MAP3K13: variants seen among roughly 807,000 people sequenced by gnomAD.
MAP3K13 encodes the protein leucine zipper-bearing kinase.
A neutral mutation model predicts 104.0 loss-of-function variants in MAP3K13; 52 were observed. The observed-to-expected ratio is 0.50, with a 90% CI of 0.40 to 0.63. The LOEUF is 0.63. Among genes scored for constraint, MAP3K13 ranks in the 20% least tolerant of loss-of-function variants. The pLI is 0.00. For missense variants in MAP3K13, 914 were observed against 1,218.5 expected (o/e 0.75, Z 3.72); for synonymous variants, 394 against 442.2 (o/e 0.89, Z 1.37).
At chr3:185,285,626 C>A in exon 2 of MAP3K13, 1 of 1,535,232 alleles carries the variant, frequency 6.5e-7, no homozygotes, top group Non-Finnish European at 8.7e-7. Context: ...GCATTCAAAT[C>A]CTAGCACTCT....
intron 1 of MAP3K13, among the ~76,000 whole-genome samples, chr3:185,365,883 TCCCCTCCCCTC>T (rs1560067536): frequency 2.4e-4 from 3 of 12,448 alleles, no homozygotes; most frequent in East Asian, 4.3e-3. Flanking sequence ...TCCCCTCCCC[TCCCCTCCCCTC>T]CCCTCCCCTC....
At chr3:185,305,003 G>A (rs1253257751) in intron 2 of MAP3K13, among the ~76,000 whole-genome samples, 2 of 152,116 alleles carry the variant, frequency 1.3e-5, no homozygotes, top group Non-Finnish European at 2.9e-5. Context: ...GTCTATGTGT[G>A]TTCTTATATC....
chr3:185,445,257 G>A (rs1241738560), intron 4 of MAP3K13, among the ~76,000 whole-genome samples: 1 of 152,116 alleles, frequency 6.6e-6, no homozygotes, highest in Non-Finnish European at 1.5e-5. Context: ...GAAGGTAGGG[G>A]ACTCACAATG....
At chr3:185,287,669 T>C (rs1366648996) in intron 2 of MAP3K13, among the ~76,000 whole-genome samples, 1 of 152,160 alleles carries the variant, frequency 6.6e-6, no homozygotes, top group African/African-American at 2.4e-5. Context: ...ATAAGATACA[T>C]ACCTATATGA....
intron 1 of MAP3K13, among the ~76,000 whole-genome samples, chr3:185,393,660 G>A (rs1033171869): frequency 1.3e-5 from 2 of 151,942 alleles, no homozygotes; most frequent in Admixed American, 6.5e-5. Flanking sequence ...GGGTTTCACC[G>A]TGTTAGCCAG....
intron 2 of MAP3K13, among the ~76,000 whole-genome samples, chr3:185,323,794 A>G (rs897686193): frequency 6.6e-6 from 1 of 152,120 alleles, no homozygotes; most frequent in African/African-American, 2.4e-5. Flanking sequence ...GTGAAAGTGT[A>G]TGTGTTCATA....
upstream of MAP3K13, chr3:185,362,955 ACG>A (rs56265210): frequency 0.034 from 1,861 of 55,530 alleles, 141 homozygotes; most frequent in East Asian, 0.081. Flanking sequence ...ACACACACAC[ACG>A]CACACACACA....
chr3:185,405,281 C>T (rs1328867250), intron 1 of MAP3K13, among the ~76,000 whole-genome samples: 4 of 152,198 alleles, frequency 2.6e-5, no homozygotes, highest in African/African-American at 9.6e-5. Context: ...AGAAACTACA[C>T]ATTTGCACAT....
intron 2 of MAP3K13, among the ~76,000 whole-genome samples, chr3:185,320,230 G>A (rs995447581): frequency 5.9e-5 from 9 of 151,986 alleles, no homozygotes; most frequent in African/African-American, 1.4e-4. Flanking sequence ...ACAGGCGCCC[G>A]CCACCACGCC....
At position 185,321,753 on chromosome 3, in the gene MAP3K13, G is replaced by A. The variant is rs140341652; in HGVS notation, c.-86+36110G>A. 4.5e-3 allele frequency among the ~76,000 whole-genome samples: 684 copies of A among 152,150 alleles called. 1 individual carries two copies. The highest frequency in any genetic ancestry group is 7.3e-3 in the Non-Finnish European group (499 of 67,982). ...CGAGTATCTGGGATTACAGGCATGCGCCACCATGCCCGGCTAATTTTTGTA... is the reference window on the plus strand; with the variant it reads ...CGAGTATCTGGGATTACAGGCATGCACCACCATGCCCGGCTAATTTTTGTA... On this transcript the variant is annotated intron_variant, in intron 2 of 14. Coordinates refer to the MAP3K13 transcript ENST00000424227.
intron 2 of MAP3K13, among the ~76,000 whole-genome samples, chr3:185,348,516 T>G (rs968588620): frequency 6.6e-6 from 1 of 152,284 alleles, no homozygotes; most frequent in East Asian, 1.9e-4. Flanking sequence ...AATTCACTCA[T>G]AACAGGAGCA....
chr3:185,289,948 GA>G (rs1426675213), intron 2 of MAP3K13, among the ~76,000 whole-genome samples: 1 of 152,118 alleles, frequency 6.6e-6, no homozygotes, highest in East Asian at 1.9e-4. Flanking sequence ...AATACAGACA[GA>G]TTTGAATCTG....
chr3:185,302,878 A>C (rs1381700018), intron 2 of MAP3K13, among the ~76,000 whole-genome samples: 1 of 152,196 alleles, frequency 6.6e-6, no homozygotes, highest in African/African-American at 2.4e-5. Flanking sequence ...TATGTTGAGT[A>C]GAAGTGGTGA....
intron 2 of MAP3K13, among the ~76,000 whole-genome samples, chr3:185,301,342 A>G (rs1721102996): frequency 6.6e-6 from 1 of 151,160 alleles, no homozygotes; most frequent in Non-Finnish European, 1.5e-5. Context: ...ATTGAGTTGT[A>G]AGACTTCATT....
At chr3:185,462,233 C>T (rs891732070) in intron 7 of MAP3K13, among the ~76,000 whole-genome samples, 5 of 152,036 alleles carry the variant, frequency 3.3e-5, no homozygotes, top group South Asian at 2.1e-4. Context: ...TGCCTGTAGG[C>T]CATATTCCAG....
intron 7 of MAP3K13, among the ~76,000 whole-genome samples, chr3:185,454,999 T>TATATATGAGATATATATG (rs1219177032): frequency 2.4e-5 from 1 of 41,854 alleles, no homozygotes; most frequent in Non-Finnish European, 6.2e-5. Flanking sequence ...ATATATATGA[T>TATATATGAGATATATATG]ATATATGAGA....
rs568816230 is a variant in MAP3K13 at position 185,285,936 on chromosome 3, G to T, written c.-86+293G>T. ...CCTTTCAACACTTTACATCCGGGTA[G>T]AAATAATTTAATCTGTGGATCCCGT... is the stretch of plus-strand genomic sequence containing the variant. On this transcript the variant is annotated intron_variant, in intron 2 of 14. Transcript: ENST00000424227. 9.9e-5 allele frequency among the ~76,000 whole-genome samples: 15 copies of T among 152,140 alleles called. No homozygotes were observed. In the East Asian group the frequency reaches 2.3e-3, roughly 23 times the overall value.
intron 13 of MAP3K13, among the ~76,000 whole-genome samples, chr3:185,481,532 T>C (rs377522406): frequency 5.4e-4 from 82 of 152,144 alleles, no homozygotes; most frequent in African/African-American, 1.7e-3. Context: ...CCCCACTCCA[T>C]ACCCTGACTC....
At chr3:185,329,740 T>C (rs1722175959) in intron 2 of MAP3K13, among the ~76,000 whole-genome samples, 1 of 152,212 alleles carries the variant, frequency 6.6e-6, no homozygotes, top group African/African-American at 2.4e-5. Context: ...ATATTGACTT[T>C]ATTAATGCAG....
Sources: allele counts gnomAD v4.1 joint callset (sites outside exome capture counted in the v4.1 genomes callset), GRCh38; gene constraint gnomAD v4.1.1; transcripts MANE v1.5; gene names NCBI Gene and HGNC (gene_info 2026-07-23, HGNC 2026-07-21).